The following CSMD1 variants were observed in gnomAD, a reference collection of about 807,000 sequenced individuals.
CSMD1 encodes the protein CUB and Sushi multiple domains 1.
CSMD1 carries 213 observed loss-of-function variants against 417.5 expected under a neutral mutation model. That is an observed-to-expected ratio of 0.51 (90% CI 0.46 to 0.57). The LOEUF (loss-of-function observed/expected upper bound fraction) is 0.57. Ranked by LOEUF, CSMD1 falls within the 20% of genes least tolerant of loss-of-function variation. The pLI is 0.00. For synonymous variants in CSMD1, 2,862 were observed against 1,736.8 expected, an observed-to-expected ratio of 1.65 and a Z score of -16.11; for missense variants, 6,923 against 4,529.7, an observed-to-expected ratio of 1.53 and a Z score of -15.17.
At chr8:4,794,526 C>T (rs1797866829) in intron 1 of CSMD1, among the ~76,000 whole-genome samples, 1 of 152,168 alleles carries the variant, frequency 6.6e-6, no homozygotes, top group Admixed American at 6.5e-5. Flanking sequence ...CTCTCCATCT[C>T]TGCCTGACTC....
chr8:3,549,840 G>C (rs1477980842), intron 10 of CSMD1, among the ~76,000 whole-genome samples: 1 of 152,092 alleles, frequency 6.6e-6, no homozygotes, highest in Non-Finnish European at 1.5e-5. Flanking sequence ...CAGGTATTCT[G>C]TTACAAGCAA....
chr8:4,566,774 A>C (rs1798633740), intron 2 of CSMD1, among the ~76,000 whole-genome samples: 1 of 152,098 alleles, frequency 6.6e-6, no homozygotes, highest in African/African-American at 2.4e-5. Context: ...AATTTATTTT[A>C]ATGAATAAAA....
At chr8:3,786,432 G>C (rs543237064) in intron 5 of CSMD1, among the ~76,000 whole-genome samples, 34 of 152,206 alleles carry the variant, frequency 2.2e-4, no homozygotes, top group African/African-American at 7.9e-4. Context: ...AAAAGTACGA[G>C]AGAAAGCATC....
At chr8:4,050,526 T>A (rs1274338476) in intron 3 of CSMD1, among the ~76,000 whole-genome samples, 1 of 152,220 alleles carries the variant, frequency 6.6e-6, no homozygotes, top group African/African-American at 2.4e-5. Context: ...CCTGGAGGGG[T>A]AAATCTTTAA....
At chr8:4,815,742 CT>C (rs1337854788) in intron 1 of CSMD1, among the ~76,000 whole-genome samples, 1 of 136,598 alleles carries the variant, frequency 7.3e-6, no homozygotes, top group African/African-American at 2.7e-5. Context: ...ACCTTTAAAT[CT>C]TTTTAAAAGG....
At chr8:3,838,551 T>C (rs1221136413) in intron 5 of CSMD1, among the ~76,000 whole-genome samples, 1 of 120,370 alleles carries the variant, frequency 8.3e-6, no homozygotes, top group Non-Finnish European at 1.7e-5. Flanking sequence ...ATATGTACTC[T>C]CTGTAGATAT....
chr8:4,333,778 T>TG (rs1038812004), intron 3 of CSMD1, among the ~76,000 whole-genome samples: 2 of 152,184 alleles, frequency 1.3e-5, no homozygotes, highest in African/African-American at 4.8e-5. Flanking sequence ...AGCCTTGACC[T>TG]GGGTCTGCCC....
intron 2 of CSMD1, among the ~76,000 whole-genome samples, chr8:4,606,657 G>C (rs1266842225): frequency 6.6e-6 from 1 of 152,170 alleles, no homozygotes; most frequent in Non-Finnish European, 1.5e-5. Flanking sequence ...CAACCATGAT[G>C]TGTTCTATTC....
intron 6 of CSMD1, among the ~76,000 whole-genome samples, chr8:3,725,976 T>C (rs1167572622): frequency 2.0e-5 from 3 of 152,036 alleles, no homozygotes; most frequent in African/African-American, 7.2e-5. Context: ...GTGGAAGTAA[T>C]TGTGTGTGAC....
intron 6 of CSMD1, among the ~76,000 whole-genome samples, chr8:3,753,063 G>A (rs780831083): frequency 6.6e-6 from 1 of 152,194 alleles, no homozygotes; most frequent in East Asian, 1.9e-4. Flanking sequence ...CCTGCAGCAT[G>A]GAGGATGCTG....
intron 7 of CSMD1, among the ~76,000 whole-genome samples, chr8:3,673,280 A>C (rs551546720): frequency 7.9e-5 from 12 of 152,184 alleles, no homozygotes; most frequent in African/African-American, 2.7e-4. Context: ...TCTTTTTCTC[A>C]AATCCGTATC....
chr8:3,568,828 C>A (rs2116908135), intron 10 of CSMD1, among the ~76,000 whole-genome samples: 1 of 152,040 alleles, frequency 6.6e-6, no homozygotes, highest in South Asian at 2.1e-4. Context: ...CCAATGAAGA[C>A]CCTGGGGATA....
At chr8:3,388,105 G>A (rs1456540501) in intron 17 of CSMD1, among the ~76,000 whole-genome samples, 1 of 151,950 alleles carries the variant, frequency 6.6e-6, no homozygotes, top group South Asian at 2.1e-4. Flanking sequence ...TTAGATTTTG[G>A]CAGTTTAACT....
chr8:4,427,046 G>T (rs564838098), intron 2 of CSMD1, among the ~76,000 whole-genome samples: 2 of 151,928 alleles, frequency 1.3e-5, no homozygotes, highest in Admixed American at 1.3e-4. Context: ...GGTGTAGACG[G>T]AACAGCCCCA....
chr8:3,541,277 C>A (rs987467851), intron 10 of CSMD1, among the ~76,000 whole-genome samples: 1 of 152,096 alleles, frequency 6.6e-6, no homozygotes, highest in Non-Finnish European at 1.5e-5. Flanking sequence ...AATGCAGGAA[C>A]AGAAAACCAA....
chr8:4,994,447 C>T lies in CSMD1; in HGVS notation c.-31G>A, dbSNP rs373197006. On this transcript the variant is annotated 5_prime_UTR_variant, in exon 1 of 70. Transcript: ENST00000635120. ...CAGATACTCCACACGCACGCGACAC[C>T]GATGGCTCCTCCGAGGAAGGCAGGG... The T allele has an allele frequency of 1.3e-6, 2 of 1,587,598 alleles. No homozygotes were observed. The highest frequency in any genetic ancestry group is 2.7e-5 in the African/African-American group (2 of 74,516).
intron 7 of CSMD1, among the ~76,000 whole-genome samples, chr8:3,693,112 A>G (rs926760988): frequency 1.3e-5 from 2 of 152,190 alleles, no homozygotes; most frequent in African/African-American, 2.4e-5. Context: ...ATACATAGAG[A>G]TAAATAGATA....
chr8:3,908,088 C>T (rs1295422979), intron 5 of CSMD1, among the ~76,000 whole-genome samples: 1 of 152,096 alleles, frequency 6.6e-6, no homozygotes, highest in African/African-American at 2.4e-5. Flanking sequence ...AGGTCAAAGC[C>T]CTAATGTCTG....
chr8:2,964,707 C>T (rs1052949401), intron 59 of CSMD1, among the ~76,000 whole-genome samples: 4 of 152,168 alleles, frequency 2.6e-5, no homozygotes, highest in African/African-American at 9.7e-5. Flanking sequence ...TCAGCTATAT[C>T]ACAGGTGCAG....
Sources: gnomAD v4.1 joint callset for allele counts (sites outside exome capture counted in the v4.1 genomes callset) on GRCh38, gnomAD v4.1.1 for gene constraint, MANE v1.5 for transcripts, NCBI Gene and HGNC (gene_info 2026-07-23, HGNC 2026-07-21) for gene names.